KIAA0586: variants seen among roughly 807,000 people sequenced by gnomAD.
The protein encoded by KIAA0586 is protein TALPID3.
A neutral mutation model predicts 169.8 loss-of-function variants in KIAA0586; 144 were observed. That is an observed-to-expected ratio of 0.85 (90% CI 0.74 to 0.97). The LOEUF (loss-of-function observed/expected upper bound fraction) is 0.97. Ranked by LOEUF, KIAA0586 falls within the 50% of genes least tolerant of loss-of-function variation. The pLI is 0.00. For synonymous variants in KIAA0586, 625 were observed against 612.4 expected, an observed-to-expected ratio of 1.02 and a Z score of -0.30; for missense variants, 1,854 against 1,823.0, an observed-to-expected ratio of 1.02 and a Z score of -0.31.
At chr14:58,431,347 C>T (rs2037352634) in intron 3 of KIAA0586, among the ~76,000 whole-genome samples, 1 of 152,172 alleles carries the variant, frequency 6.6e-6, no homozygotes, top group Non-Finnish European at 1.5e-5. Context: ...ACTGCAACCT[C>T]CAGCTCCCGG....
In KIAA0586 at chr14:58,547,960, T is replaced by C. The variant is rs778174035; in HGVS notation, c.*28T>C. ...GGGAAGAGACAGCCAGCACAGTGTT[T>C]ATGCCACTGGTTTTAAAGTCATTTT... On this transcript the variant is annotated 3_prime_UTR_variant, in exon 31 of 31. Coordinates refer to ENST00000652326, the MANE Select transcript of KIAA0586 (RefSeq NM_001329943.3). 28 of 1,609,312 alleles carry C rather than the reference T, an allele frequency of 1.7e-5. No individual in the cohort carries two copies. The highest frequency in any genetic ancestry group is 2.4e-5 in the Non-Finnish European group (28 of 1,177,144).
At chr14:58,509,009 G>A (rs570777970) in intron 28 of KIAA0586, among the ~76,000 whole-genome samples, 2 of 152,106 alleles carry the variant, frequency 1.3e-5, no homozygotes, top group Non-Finnish European at 2.9e-5. Flanking sequence ...ACAGTGGATC[G>A]CTTGAGTCCA....
At chr14:58,450,861 C>G in intron 8 of KIAA0586, 115 bp downstream of exon 8, 5 of 608,368 alleles carry the variant, frequency 8.2e-6, no homozygotes, top group Non-Finnish European at 5.7e-6. Flanking sequence ...TTAAATGACC[C>G]TTGCTGGGAA....
intron 4 of KIAA0586, among the ~76,000 whole-genome samples, chr14:58,437,846 A>G (rs965405791): frequency 1.3e-5 from 2 of 152,028 alleles, no homozygotes; most frequent in African/African-American, 4.8e-5. Context: ...TGAGGTTATG[A>G]TAGTGAAAGA....
At chr14:58,510,479 T>C (rs2044311696) in intron 28 of KIAA0586, among the ~76,000 whole-genome samples, 1 of 152,138 alleles carries the variant, frequency 6.6e-6, no homozygotes, top group Non-Finnish European at 1.5e-5. Context: ...TAAAAGGCGG[T>C]CATGCCAAGT....
chr14:58,466,682 A>T (rs1008417621), intron 15 of KIAA0586, among the ~76,000 whole-genome samples: 4 of 152,194 alleles, frequency 2.6e-5, no homozygotes, highest in Non-Finnish European at 5.9e-5. Flanking sequence ...GTGAGCAATG[A>T]TTATGCCACT....
At position 58,498,888 on chromosome 14, in the gene KIAA0586, G is replaced by T; in HGVS notation, c.4096G>T (p.Val1366Phe). The change falls in exon 27 of 31, where the codon GTC becomes TTC. Residue 1366 changes from valine (V) to phenylalanine (F), a missense_variant. Physicochemically the swap from Val to Phe is conservative, Grantham distance 50. Transcript: ENST00000652326. ...ACATTCTCTCTATATGCAGCCACCT[G>T]TCACTAATACACAGTCTTTGGATCA... ...MGHSLYMQPP[V>F]TNTQSLDQQC... The T allele has an allele frequency of 1.2e-6, 2 of 1,612,878 alleles. No individual in the cohort carries two copies. The highest frequency in any genetic ancestry group is 1.7e-6 in the Non-Finnish European group (2 of 1,179,394).
At chr14:58,440,105 A>C (rs1466630097) in intron 4 of KIAA0586, 1 of 351,502 alleles carries the variant, frequency 2.8e-6, no homozygotes, top group South Asian at 2.0e-5. Context: ...CTGGTCTTGA[A>C]CTCCTGGGCT....
chr14:58,494,266 T>A (rs984905871), intron 26 of KIAA0586, among the ~76,000 whole-genome samples: 1 of 151,872 alleles, frequency 6.6e-6, no homozygotes, highest in Non-Finnish European at 1.5e-5. Flanking sequence ...ATTAATTTGT[T>A]CTCTGCTATA....
chr14:58,443,753 A>G (rs1415591426), intron 5 of KIAA0586, among the ~76,000 whole-genome samples: 1 of 152,016 alleles, frequency 6.6e-6, no homozygotes, highest in Non-Finnish European at 1.5e-5. Flanking sequence ...GAGAGGAAAC[A>G]TTTACCTAAG....
intron 14 of KIAA0586, 96 bp from the exon 15 acceptor site, chr14:58,465,739 A>G (rs1435262638): frequency 4.0e-6 from 3 of 751,568 alleles, no homozygotes; most frequent in Non-Finnish European, 4.1e-6. Context: ...ATATAGAATT[A>G]AGATTTTTCT....
At chr14:58,458,752 T>C (rs2040080485) in intron 12 of KIAA0586, among the ~76,000 whole-genome samples, 2 of 152,208 alleles carry the variant, frequency 1.3e-5, no homozygotes, top group South Asian at 2.1e-4. Flanking sequence ...CTGGCTCTTA[T>C]TTGGCAAATT....
chr14:58,463,346 T>C (rs908773886), intron 14 of KIAA0586, among the ~76,000 whole-genome samples: 5 of 152,228 alleles, frequency 3.3e-5, no homozygotes, highest in African/African-American at 1.2e-4. Context: ...ATGAGTACAG[T>C]TGGTTTAGTC....
At chr14:58,474,451 G>A (rs2041454208) in intron 18 of KIAA0586, among the ~76,000 whole-genome samples, 156 bp from the exon 19 acceptor site, 1 of 152,194 alleles carries the variant, frequency 6.6e-6, no homozygotes, top group Admixed American at 6.5e-5. Context: ...TCTGACTAAT[G>A]TGTATATTAT....
chr14:58,462,709 C>T (rs565088588), intron 14 of KIAA0586, among the ~76,000 whole-genome samples: 19 of 152,264 alleles, frequency 1.2e-4, no homozygotes, highest in African/African-American at 4.3e-4. Flanking sequence ...TTCATTTTCA[C>T]ACTGCTATAA....
chr14:58,560,168 A>G, the KIAA0586 span, among the ~76,000 whole-genome samples: 1 of 150,946 alleles, frequency 6.6e-6, no homozygotes, highest in Admixed American at 6.6e-5. Context: ...AAAAAAAAAA[A>G]GATGCACAGG....
intron 27 of KIAA0586, among the ~76,000 whole-genome samples, chr14:58,507,533 C>T (rs986907788): frequency 6.6e-6 from 1 of 151,670 alleles, no homozygotes; most frequent in Non-Finnish European, 1.5e-5. Context: ...GTGCTTCTTG[C>T]TAGCTCTTTG....
chr14:58,542,317 A>ATAC (rs1333819624), intron 30 of KIAA0586, among the ~76,000 whole-genome samples: 2 of 152,110 alleles, frequency 1.3e-5, no homozygotes, highest in Non-Finnish European at 2.9e-5. Context: ...TCTCTACTAA[A>ATAC]AATACAATAA....
chr14:58,544,044 A>G (rs888388946), intron 30 of KIAA0586: 3 of 380,258 alleles, frequency 7.9e-6, no homozygotes, highest in African/African-American at 2.2e-5. Flanking sequence ...AGTAGATCCC[A>G]GTGTTTGTTG....
Sources: gnomAD v4.1 joint callset for allele counts (sites outside exome capture counted in the v4.1 genomes callset) on GRCh38, gnomAD v4.1.1 for gene constraint, MANE v1.5 for transcripts, NCBI Gene and HGNC (gene_info 2026-07-23, HGNC 2026-07-21) for gene names.